GATA3: variants seen among roughly 807,000 people sequenced by gnomAD.
GATA3 encodes the protein GATA binding protein 3.
GATA3 carries 6 observed loss-of-function variants against 36.0 expected under a neutral mutation model. The ratio of observed to expected loss-of-function variants is 0.17; its 90% CI spans 0.09 to 0.33. GATA3 has a LOEUF of 0.33. GATA3 is among the 10% of genes least tolerant of loss of function. The pLI is 1.00. For synonymous variants in GATA3, 326 were observed against 273.0 expected, an observed-to-expected ratio of 1.19 and a Z score of -1.92; for missense variants, 514 against 610.1, an observed-to-expected ratio of 0.84 and a Z score of 1.66.
At chr10:8,069,031 C>T (rs1832889104) in intron 4 of GATA3, among the ~76,000 whole-genome samples, 1 of 152,180 alleles carries the variant, frequency 6.6e-6, no homozygotes, top group African/African-American at 2.4e-5. Flanking sequence ...GATGGATATT[C>T]TTGGGAGTTG....
At chr10:8,047,097 C>T (rs1021212385) in intron 1 of GATA3, among the ~76,000 whole-genome samples, 2 of 152,178 alleles carry the variant, frequency 1.3e-5, no homozygotes, top group Non-Finnish European at 2.9e-5. Context: ...AGAAGATAAA[C>T]GAGGTGGGGA....
intron 3 of GATA3, 83 bp from the exon 4 acceptor site, chr10:8,063,910 C>T: frequency 1.0e-5 from 16 of 1,593,850 alleles, no homozygotes; most frequent in Non-Finnish European, 1.3e-5. Context: ...CTCCATTTTA[C>T]GTTTCTCCCC....
intron 4 of GATA3, among the ~76,000 whole-genome samples, chr10:8,069,131 G>T (rs546601004): frequency 2.8e-4 from 42 of 152,242 alleles, no homozygotes; most frequent in African/African-American, 9.6e-4. Context: ...ATTCAAAATT[G>T]CCACCCATAA....
In GATA3 at chr10:8,055,706, C is replaced by A. The variant is rs932657718; in HGVS notation, c.51C>A (p.Ala17=). The part of the protein sequence containing the change: ...QPRWVSHHHP[A]VLNGQHPDTH... ...GCTGGGTGAGCCACCACCACCCCGC[C>A]GTGCTCAACGGGCAGCACCCGGACA... Residue 17 remains alanine, a synonymous_variant, in exon 2 of 6, where the codon GCC becomes GCA. Transcript: ENST00000379328. The surrounding 1 kb of genome is among the most constrained non-coding windows in gnomAD (Gnocchi z 5.4). 6.4e-7 allele frequency: 1 copy of A among 1,563,480 alleles called. No individual in the cohort carries two copies. Among genetic ancestry groups the A allele is most frequent in the Non-Finnish European group, 8.7e-7 (1 of 1,154,210 alleles).
In GATA3 at chr10:8,058,817, A is replaced by G. The variant is rs1421120224; in HGVS notation, c.754A>G (p.Arg252Gly). ...CCCCACCGGCTTCGGATGCAAGTCC[A>G]GGCCCAAGGCCCGGTCCAGCACAGG... The part of the protein sequence containing the change: ...GSPTGFGCKS[R>G]PKARSSTEGR... The change falls in exon 3 of 6, where the codon AGG (arginine) becomes GGG (glycine). Residue 252 changes from arginine to glycine, a missense_variant. Transcript: ENST00000379328. The G allele has an allele frequency of 1.2e-6, 2 of 1,605,102 alleles. No homozygotes were observed. Among genetic ancestry groups the G allele is most frequent in the Non-Finnish European group, 1.7e-6 (2 of 1,179,918 alleles).
intron 2 of GATA3, among the ~76,000 whole-genome samples, chr10:8,058,011 C>CT (rs1235831735): frequency 6.6e-6 from 1 of 152,176 alleles, no homozygotes; most frequent in Non-Finnish European, 1.5e-5. Flanking sequence ...CAAAGGGGCC[C>CT]TTCTCCCCCT....
Position 8,074,141 on chromosome 10 carries a change from C to A in GATA3, c.*118C>A. On this transcript the variant is annotated 3_prime_UTR_variant, in exon 6 of 6. Transcript: ENST00000379328. ...CGCGATGGATATATGTTTTTGAAGGCAGAAAGCAAAATTATGTTTGCCACT... is the reference window on the plus strand; with the variant it reads ...CGCGATGGATATATGTTTTTGAAGGAAGAAAGCAAAATTATGTTTGCCACT... The A allele has an allele frequency of 8.3e-7, 1 of 1,209,278 alleles. No individual in the cohort carries two copies. Among genetic ancestry groups the A allele is most frequent in the South Asian group, 1.5e-5 (1 of 67,128 alleles). The allele number at this position is 1,209,278 out of a possible 1,614,324, so 74.9% of individuals were successfully genotyped here.
intron 3 of GATA3, among the ~76,000 whole-genome samples, chr10:8,062,840 C>A (rs1056245886): frequency 9.9e-5 from 15 of 152,198 alleles, no homozygotes; most frequent in African/African-American, 3.1e-4. Context: ...ACCCAGAGAA[C>A]TGGGCGCTAG....
At chr10:8,059,771 C>A (rs1437014915) in intron 3 of GATA3, among the ~76,000 whole-genome samples, 1 of 152,220 alleles carries the variant, frequency 6.6e-6, no homozygotes, top group African/African-American at 2.4e-5. Context: ...GATCTATCAC[C>A]AATTCCATTT....
intron 3 of GATA3, among the ~76,000 whole-genome samples, chr10:8,061,306 T>C (rs1331036165): frequency 1.3e-5 from 2 of 152,186 alleles, no homozygotes; most frequent in Non-Finnish European, 2.9e-5. Flanking sequence ...CACTGCCACC[T>C]TTCCAGTTGG....
Position 8,058,475 on chromosome 10 carries a change from T to A in GATA3, c.412T>A (p.Ser138Thr), listed in dbSNP as rs774820359. ...GPLSVYPPAS[S>T]SSLSGGHASP... The stretch of plus-strand genomic sequence containing the variant: ...CCTCTCCGTCTACCCCCCGGCCTCG[T>A]CCTCCTCCTTGTCGGGGGGCCACGC... Residue 138 changes from serine (S) to threonine (T), a missense_variant, in exon 3 of 6, where the codon TCC becomes ACC. Around this residue, in one of 3 missense-constraint regions of GATA3, gnomAD observed 381 missense variants for 354.3 expected, o/e 1.08. Coordinates refer to ENST00000379328, the MANE Select transcript of GATA3 (RefSeq NM_001002295.2). 2.5e-6 allele frequency: 4 copies of A among 1,612,504 alleles called. No individual in the cohort carries two copies. The highest frequency in any genetic ancestry group is 3.4e-6 in the Non-Finnish European group (4 of 1,179,788).
At chr10:8,049,749 G>A (rs1173631576), upstream of GATA3, among the ~76,000 whole-genome samples, 2 of 152,194 alleles carry the variant, frequency 1.3e-5, no homozygotes, top group Non-Finnish European at 2.9e-5. Flanking sequence ...GGGCGGTGAG[G>A]CTGGCTGGGT....
At chr10:8,046,677 G>A (rs1027865004) in intron 1 of GATA3, among the ~76,000 whole-genome samples, 5 of 148,786 alleles carry the variant, frequency 3.4e-5, no homozygotes, top group Non-Finnish European at 5.9e-5. Context: ...GTGTGTGTGT[G>A]TGTGTGTGTG....
Position 8,061,066 on chromosome 10 carries a change from GCTCTCT to G in GATA3, c.778+2244_778+2249del, listed in dbSNP as rs111353803. ...GGGGATTCTCTTGGTTTTAGTGGTT[GCTCTCT>G]CTCTCTCTCTCTCTCTCTTTTTTAC... On this transcript the variant is annotated intron_variant, in intron 3 of 5. Transcript: ENST00000379328. 1.9e-4 allele frequency among the ~76,000 whole-genome samples: 28 copies of G among 149,044 alleles called. No individual in the cohort carries two copies. In the South Asian group the frequency reaches 3.0e-3, roughly 16 times the overall value.
chr10:8,052,886 G>A (rs1007936691), upstream of GATA3: 1 of 122,434 alleles, frequency 8.2e-6, no homozygotes, highest in African/African-American at 3.3e-5. Flanking sequence ...GTGGGCTCAG[G>A]AGAAACGTGG....
At chr10:8,063,011 G>A (rs1037867849) in intron 3 of GATA3, among the ~76,000 whole-genome samples, 1 of 152,194 alleles carries the variant, frequency 6.6e-6, no homozygotes, top group Non-Finnish European at 1.5e-5. Context: ...GGTCTGGGTC[G>A]CTTTCCAGCC....
intron 3 of GATA3, among the ~76,000 whole-genome samples, chr10:8,062,676 T>C (rs1275148911): frequency 6.6e-6 from 1 of 152,200 alleles, no homozygotes; most frequent in African/African-American, 2.4e-5. Flanking sequence ...TGGAGGTCAT[T>C]AATTACTCTC....
At chr10:8,053,377 G>A (rs2275806), upstream of GATA3, 68,557 of 152,110 alleles carry the variant, frequency 0.45, 17,256 homozygotes, top group South Asian at 0.65. This position sits in a 1 kb window ranked among gnomAD's most constrained non-coding sequence, Gnocchi z 5.1. Flanking sequence ...CGAGCAGAGA[G>A]TGGATTTGGA....
intron 4 of GATA3, among the ~76,000 whole-genome samples, chr10:8,065,443 A>T (rs1180959838): frequency 6.6e-6 from 1 of 151,602 alleles, no homozygotes; most frequent in Non-Finnish European, 1.5e-5. Context: ...TTTTCAGTAG[A>T]GACAGGGTTT....
Sources: gnomAD v4.1 joint callset for allele counts (sites outside exome capture counted in the v4.1 genomes callset) on GRCh38, gnomAD v4.1.1 for gene constraint, gnomAD v4.1.1 regional missense constraint, Gnocchi (gnomAD v3.1) non-coding constraint, MANE v1.5 for transcripts, NCBI Gene and HGNC (gene_info 2026-07-23, HGNC 2026-07-21) for gene names.